The following RPS6KC1 variants were observed in gnomAD, a reference collection of about 807,000 sequenced individuals.
RPS6KC1 encodes ribosomal protein S6 kinase C1.
RPS6KC1 carries 54 observed loss-of-function variants against 103.8 expected under a neutral mutation model. That is an observed-to-expected ratio of 0.52 (90% CI 0.42 to 0.65). The LOEUF is 0.65. Among genes scored for constraint, RPS6KC1 ranks in the 30% least tolerant of loss-of-function variants. RPS6KC1 has a pLI of 0.00. For missense variants in RPS6KC1, 1,151 were observed against 1,253.8 expected, an observed-to-expected ratio of 0.92 and a Z score of 1.24; for synonymous variants, 439 against 438.7, an observed-to-expected ratio of 1.00 and a Z score of -0.01.
intron 6 of RPS6KC1, among the ~76,000 whole-genome samples, chr1:213,146,511 C>T (rs2087850501): frequency 6.6e-6 from 1 of 151,660 alleles, no homozygotes; most frequent in Non-Finnish European, 1.5e-5. Context: ...CAACCTCCAC[C>T]TCCTGGGTTC....
the RPS6KC1 span, among the ~76,000 whole-genome samples, chr1:213,793,592 G>A: frequency 6.6e-6 from 1 of 152,098 alleles, no homozygotes; most frequent in Admixed American, 6.6e-5. Context: ...ATAACATTGA[G>A]TCAAGGACAG....
At chr1:213,849,116 A>C in the RPS6KC1 span, among the ~76,000 whole-genome samples, 1 of 152,220 alleles carries the variant, frequency 6.6e-6, no homozygotes, top group Non-Finnish European at 1.5e-5. Flanking sequence ...TCTCTCTTGC[A>C]ATGGTTAAAG....
the RPS6KC1 span, among the ~76,000 whole-genome samples, chr1:213,466,003 T>C: frequency 6.6e-6 from 1 of 152,108 alleles, no homozygotes; most frequent in East Asian, 1.9e-4. Context: ...GGGCTTGGGG[T>C]CAGGCTTTGG....
At chr1:213,348,942 T>C in the RPS6KC1 span, among the ~76,000 whole-genome samples, 1 of 152,206 alleles carries the variant, frequency 6.6e-6, no homozygotes, top group Non-Finnish European at 1.5e-5. Flanking sequence ...AATGGGTGAT[T>C]GCATTTGTTG....
At chr1:213,444,804 G>A in the RPS6KC1 span, among the ~76,000 whole-genome samples, 1 of 151,522 alleles carries the variant, frequency 6.6e-6, no homozygotes, top group Non-Finnish European at 1.5e-5. Flanking sequence ...GAAGTTGGTG[G>A]ACTGTGGGCT....
At chr1:213,475,356 T>C in the RPS6KC1 span, among the ~76,000 whole-genome samples, 2 of 152,196 alleles carry the variant, frequency 1.3e-5, no homozygotes, top group South Asian at 2.1e-4. Flanking sequence ...CAAAGGCATA[T>C]TTACTAAGAG....
intron 1 of RPS6KC1, among the ~76,000 whole-genome samples, chr1:213,064,079 C>T (rs541615443): frequency 1.2e-4 from 18 of 152,094 alleles, no homozygotes; most frequent in African/African-American, 4.1e-4. Flanking sequence ...TTTTTTGAGA[C>T]GGAGTTTCAC....
the RPS6KC1 span, among the ~76,000 whole-genome samples, chr1:213,587,898 C>G: frequency 6.6e-6 from 1 of 152,158 alleles, no homozygotes; most frequent in East Asian, 1.9e-4. Context: ...TTTGTCCAAT[C>G]CTGTTGCTGT....
chr1:213,312,252 G>GA, the RPS6KC1 span, among the ~76,000 whole-genome samples: 4 of 85,160 alleles, frequency 4.7e-5, no homozygotes, highest in East Asian at 9.4e-4. Context: ...TCCCAGTGCA[G>GA]GGGGGGCAAC....
At chr1:213,726,189 G>A in the RPS6KC1 span, among the ~76,000 whole-genome samples, 12 of 152,102 alleles carry the variant, frequency 7.9e-5, no homozygotes, top group Non-Finnish European at 1.5e-4. Context: ...GGGCTCAGGC[G>A]ATCTTCTCAG....
the RPS6KC1 span, among the ~76,000 whole-genome samples, chr1:213,611,896 G>C: frequency 6.6e-6 from 1 of 152,210 alleles, no homozygotes; most frequent in Admixed American, 6.5e-5. Flanking sequence ...ATTTATAGTA[G>C]AGCCTCCTTC....
At chr1:213,132,142 C>T (rs1360208996) in intron 6 of RPS6KC1, among the ~76,000 whole-genome samples, 1 of 152,168 alleles carries the variant, frequency 6.6e-6, no homozygotes, top group Non-Finnish European at 1.5e-5. Flanking sequence ...TGAATTATTT[C>T]TCCACTAGAA....
the RPS6KC1 span, among the ~76,000 whole-genome samples, chr1:213,496,772 A>G: frequency 2.6e-5 from 4 of 152,130 alleles, no homozygotes; most frequent in Non-Finnish European, 4.4e-5. Flanking sequence ...GAAAAAAAGA[A>G]AAGAAACTTA....
At chr1:213,269,516 A>G (rs1295974666) in intron 14 of RPS6KC1, among the ~76,000 whole-genome samples, 2 of 152,210 alleles carry the variant, frequency 1.3e-5, no homozygotes, top group Non-Finnish European at 2.9e-5. Context: ...GATAGATCAC[A>G]TGCTAGGCCA....
At chr1:213,757,176 A>G in the RPS6KC1 span, among the ~76,000 whole-genome samples, 1 of 152,232 alleles carries the variant, frequency 6.6e-6, no homozygotes, top group Admixed American at 6.5e-5. Context: ...TGAAAGGAAG[A>G]GTTGCACATC....
the RPS6KC1 span, among the ~76,000 whole-genome samples, chr1:213,486,039 T>C: frequency 6.6e-6 from 1 of 152,160 alleles, no homozygotes; most frequent in Non-Finnish European, 1.5e-5. Context: ...CATGAAGTAA[T>C]CATCAGCTTG....
the RPS6KC1 span, among the ~76,000 whole-genome samples, chr1:213,430,672 A>G: frequency 6.6e-6 from 1 of 152,190 alleles, no homozygotes; most frequent in African/African-American, 2.4e-5. Flanking sequence ...TATTTTAAGT[A>G]AAAATGTTTG....
At chr1:213,324,593 CTTT>C in the RPS6KC1 span, among the ~76,000 whole-genome samples, 8,598 of 81,902 alleles carry the variant, frequency 0.1, 358 homozygotes, top group Admixed American at 0.21. Flanking sequence ...GCTCGATATG[CTTT>C]TTTTTTTTTT....
At chr1:213,104,412 T>TATTATTATCATAAACCA in intron 3 of RPS6KC1, 42 bp from the exon 4 acceptor site, 1 of 1,289,400 alleles carries the variant, frequency 7.8e-7, no homozygotes. Flanking sequence ...AACCAGTGTT[T>TATTATTATCATAAACCA]GATCATTCTT....
Sources: gnomAD v4.1 joint callset for allele counts (sites outside exome capture counted in the v4.1 genomes callset) on GRCh38, gnomAD v4.1.1 for gene constraint, MANE v1.5 for transcripts, NCBI Gene and HGNC (gene_info 2026-07-23, HGNC 2026-07-21) for gene names.